The following DIP2C variants were observed in gnomAD, a reference collection of about 807,000 sequenced individuals.
DIP2C encodes DIP2 acetate--CoA ligase C (putative).
In DIP2C, 33 loss-of-function variants were observed where a neutral mutation model predicts 192.4. That is an observed-to-expected ratio of 0.17 (90% confidence interval 0.13 to 0.23). The LOEUF is 0.23. DIP2C is among the 10% of genes least tolerant of loss of function. The pLI is 1.00. For missense variants in DIP2C, 1,537 were observed against 2,110.1 expected (o/e 0.73, Z 5.32); for synonymous variants, 979 against 864.1 (o/e 1.13, Z -2.33).
chr10:513,114 G>A (rs984646105), intron 1 of DIP2C, among the ~76,000 whole-genome samples: 3 of 152,166 alleles, frequency 2.0e-5, no homozygotes, highest in South Asian at 2.1e-4. Flanking sequence ...TTTTAAGAGT[G>A]CTACATTATA....
At chr10:362,784 A>C in intron 21 of DIP2C, 93 bp from the exon 22 acceptor site, 1 of 1,337,556 alleles carries the variant, frequency 7.5e-7, no homozygotes, top group African/African-American at 1.5e-5. Context: ...AATACACAGA[A>C]GTCTGTGCAG....
chr10:473,316 G>A (rs962514700), intron 2 of DIP2C, among the ~76,000 whole-genome samples: 1 of 152,276 alleles, frequency 6.6e-6, no homozygotes, highest in South Asian at 2.1e-4. Context: ...GTTCCACGAA[G>A]AACTACTCTG....
At chr10:370,156 A>G (rs1960792136) in intron 17 of DIP2C, 2 of 671,268 alleles carry the variant, frequency 3.0e-6, no homozygotes, top group South Asian at 1.3e-4. Context: ...AGAATCTAAA[A>G]TAAGATTTAC....
intron 12 of DIP2C, 68 bp from the exon 13 acceptor site, chr10:390,161 G>A (rs1963343271): frequency 6.3e-7 from 1 of 1,583,772 alleles, no homozygotes; most frequent in Non-Finnish European, 8.7e-7. Context: ...GTTACTTGAG[G>A]TTCTCCAAGT....
intron 32 of DIP2C, among the ~76,000 whole-genome samples, chr10:295,889 CATGTGTTTTTT>C (rs1955731853): frequency 1.3e-5 from 2 of 152,140 alleles, no homozygotes; most frequent in South Asian, 4.1e-4. Context: ...AGCATTTTTT[CATGTGTTTTTT>C]GGCTGCATAA....
At chr10:580,170 C>G (rs1411175233) in intron 1 of DIP2C, among the ~76,000 whole-genome samples, 1 of 152,102 alleles carries the variant, frequency 6.6e-6, no homozygotes, top group East Asian at 1.9e-4. Flanking sequence ...TGCACTACAG[C>G]ATGCCTACAC....
intron 1 of DIP2C, among the ~76,000 whole-genome samples, chr10:571,145 G>A (rs984600693): frequency 2.6e-5 from 4 of 152,228 alleles, no homozygotes; most frequent in African/African-American, 9.7e-5. Context: ...CATTTCCAAT[G>A]ACAGGCCGCT....
chr10:572,906 T>C (rs927064082), intron 1 of DIP2C, among the ~76,000 whole-genome samples: 2 of 152,092 alleles, frequency 1.3e-5, no homozygotes, highest in Admixed American at 6.5e-5. Flanking sequence ...AGCCGGAAGA[T>C]TGCCATCTCG....
chr10:275,592 C>A lies in DIP2C; in HGVS notation c.*1733G>T, dbSNP rs962070909. 2 of 151,276 alleles carry A rather than the reference C, an allele frequency of 1.3e-5. No individual in the cohort carries two copies. Among genetic ancestry groups the A allele is most frequent in the African/African-American group, 4.9e-5 (2 of 41,084 alleles). 9.4% of individuals were successfully genotyped at this position (151,276 alleles called of 1,614,324 possible). ...CAAAGGCAGAGAAAGACGCTGCCCACAACATAATGAAAGATCATCTACATT... is the reference window on the plus strand; with the variant it reads ...CAAAGGCAGAGAAAGACGCTGCCCAAAACATAATGAAAGATCATCTACATT... On this transcript the variant is annotated 3_prime_UTR_variant, in exon 37 of 37. Coordinates refer to ENST00000280886, the MANE Select transcript of DIP2C (RefSeq NM_014974.3).
chr10:414,155 A>G lies in DIP2C; in HGVS notation c.860-45T>C, dbSNP rs202063154. On this transcript the variant is annotated intron_variant, in intron 7 of 36. Transcript: ENST00000280886. ...GAGGTTACAAGAGAAATGCATCCACATTAGCATGGCTACTTTTTATTCTTT... is the reference window on the plus strand; with the variant it reads ...GAGGTTACAAGAGAAATGCATCCACGTTAGCATGGCTACTTTTTATTCTTT... The G allele has an allele frequency of 3.0e-5, 47 of 1,558,912 alleles. No individual in the cohort carries two copies. In the East Asian group the frequency reaches 1.0e-3, roughly 33 times the overall value.
rs573970556 is a variant in DIP2C, at chr10:476,392, G to A, written c.158-3843C>T. Among the ~76,000 whole-genome samples, 233 of 152,294 alleles carry A rather than the reference G, an allele frequency of 1.5e-3. 1 individual carries two copies. Among genetic ancestry groups the A allele is most frequent in the African/African-American group, 5.1e-3 (211 of 41,576 alleles). ...ATTCTGTGGGATCCTAGGCAAGTTT[G>A]TGAACTTTCCTAGGCTCAGCCTCCT... is the stretch of plus-strand genomic sequence containing the variant. On this transcript the variant is annotated intron_variant, in intron 2 of 36. Transcript: ENST00000280886.
chr10:486,473 A>G lies in DIP2C; in HGVS notation c.143T>C (p.Leu48Pro). 6.2e-7 allele frequency: 1 copy of G among 1,602,562 alleles called. No individual in the cohort carries two copies. Among genetic ancestry groups the G allele is most frequent in the Non-Finnish European group, 8.5e-7 (1 of 1,174,732 alleles). ...KKRSKLIGAYLPQPPRVDQAL... is the reference protein window; with the variant it reads ...KKRSKLIGAYPPQPPRVDQAL... ...GGGTTACCTACTCGGAGGCTGCGGAAGGTAGGCTCCAATTAACTTTGACCT... is the reference window on the plus strand; with the variant it reads ...GGGTTACCTACTCGGAGGCTGCGGAGGGTAGGCTCCAATTAACTTTGACCT... Residue 48 changes from leucine to proline, a missense_variant, in exon 2 of 37, where the codon CTT (leucine) becomes CCT (proline). By Grantham distance (98) the Leu-to-Pro change is moderately conservative. Coordinates refer to ENST00000280886, the MANE Select transcript of DIP2C (RefSeq NM_014974.3).
chr10:293,302 C>A (rs1955583768), intron 32 of DIP2C, among the ~76,000 whole-genome samples: 1 of 152,224 alleles, frequency 6.6e-6, no homozygotes, highest in South Asian at 2.1e-4. Flanking sequence ...AACTCTGTGG[C>A]ATTTCAAGGG....
chr10:388,333 G>A (rs182344098), intron 13 of DIP2C, among the ~76,000 whole-genome samples: 1 of 152,188 alleles, frequency 6.6e-6, no homozygotes, highest in African/African-American at 2.4e-5. Flanking sequence ...CTCTAAAAAG[G>A]TGCTAAAAGC....
intron 2 of DIP2C, among the ~76,000 whole-genome samples, chr10:481,677 G>T (rs963016728): frequency 6.6e-6 from 1 of 152,240 alleles, no homozygotes; most frequent in East Asian, 1.9e-4. Flanking sequence ...ATAGACACCT[G>T]AGGCAGTGGA....
chr10:587,239 G>C (rs1851113970), intron 1 of DIP2C, among the ~76,000 whole-genome samples: 1 of 152,196 alleles, frequency 6.6e-6, no homozygotes, highest in African/African-American at 2.4e-5. Flanking sequence ...AGCGTGGCGA[G>C]GGGCAAACAG....
intron 1 of DIP2C, among the ~76,000 whole-genome samples, chr10:566,934 G>C (rs1849498181): frequency 6.6e-6 from 1 of 152,236 alleles, no homozygotes; most frequent in African/African-American, 2.4e-5. Flanking sequence ...ATCAAATGCT[G>C]AGGGAGCCAT....
At chr10:555,577 T>C (rs1185001877) in intron 1 of DIP2C, among the ~76,000 whole-genome samples, 1 of 152,128 alleles carries the variant, frequency 6.6e-6, no homozygotes, top group Non-Finnish European at 1.5e-5. Flanking sequence ...GGCAGGTGAC[T>C]CATATTTAGG....
chr10:330,981 T>C (rs1356653927), intron 29 of DIP2C, among the ~76,000 whole-genome samples: 1 of 696 alleles, frequency 1.4e-3, no homozygotes, highest in East Asian at 0.25. Flanking sequence ...CTGGCTAATT[T>C]TTTTTTTTTT....
Sources: allele counts gnomAD v4.1 joint callset (sites outside exome capture counted in the v4.1 genomes callset), GRCh38; gene constraint gnomAD v4.1.1; transcripts MANE v1.5; gene names NCBI Gene and HGNC (gene_info 2026-07-23, HGNC 2026-07-21).